Variants in PHKB observed in about 807,000 individuals in gnomAD.
The protein encoded by PHKB is phosphorylase kinase regulatory subunit beta.
A neutral mutation model predicts 152.1 loss-of-function variants in PHKB; 122 were observed. The ratio of observed to expected loss-of-function variants is 0.80; its 90% CI spans 0.69 to 0.93. The LOEUF is 0.93. Among genes scored for constraint, PHKB ranks in the 40% least tolerant of loss-of-function variants. The pLI, the probability that PHKB is intolerant of heterozygous loss-of-function variation, is 0.00. For missense variants in PHKB, 1,304 were observed against 1,328.4 expected (o/e 0.98, Z 0.29); for synonymous variants, 436 against 464.9 (o/e 0.94, Z 0.80).
At chr16:47,462,889 T>G (rs1365008484) in intron 1 of PHKB, 1 of 152,322 alleles carries the variant, frequency 6.6e-6, no homozygotes, top group East Asian at 1.9e-4. Context: ...TATGAGATAA[T>G]TTTTTCAAAA....
At chr16:47,525,682 G>T (rs151064350) in intron 6 of PHKB, among the ~76,000 whole-genome samples, 3 of 152,124 alleles carry the variant, frequency 2.0e-5, no homozygotes, top group Non-Finnish European at 4.4e-5. Context: ...ACAACGCAAT[G>T]ATGAAAAGCA....
intron 4 of PHKB, among the ~76,000 whole-genome samples, chr16:47,510,401 C>T (rs1227241058): frequency 2.0e-5 from 3 of 152,118 alleles, no homozygotes; most frequent in Non-Finnish European, 4.4e-5. Context: ...TTGAAGCTAT[C>T]TAGGGACCTA....
rs771761651 is a variant in PHKB at position 47,515,517 on chromosome 16, G to T, written c.514-4G>T. 3.8e-6 allele frequency: 5 copies of T among 1,324,324 alleles called. No individual in the cohort carries two copies. The highest frequency in any genetic ancestry group is 3.4e-5 in the Admixed American group (2 of 59,644). 82.0% of individuals were successfully genotyped at this position (1,324,324 alleles called of 1,614,324 possible). ...TAACCTTTTAATGTTTCTGTTTGTT[G>T]CAGATAAATGCAGTGTCACTTTATC... On this transcript the variant is annotated splice_polypyrimidine_tract_variant and splice_region_variant and intron_variant, in intron 5 of 30. Transcript: ENST00000323584.
intron 16 of PHKB, among the ~76,000 whole-genome samples, chr16:47,643,731 C>T (rs1318681408): frequency 2.6e-5 from 4 of 152,196 alleles, no homozygotes; most frequent in South Asian, 2.1e-4. Flanking sequence ...CTTATGCCAG[C>T]GGTTGCTCCC....
chr16:47,573,486 GA>G (rs1410390716), intron 7 of PHKB, among the ~76,000 whole-genome samples: 1 of 152,194 alleles, frequency 6.6e-6, no homozygotes, highest in Non-Finnish European at 1.5e-5. Context: ...AGGGAGGGGA[GA>G]GGGGTAACAG....
chr16:47,558,234 G>T (rs1396572284), intron 7 of PHKB, among the ~76,000 whole-genome samples: 4 of 127,270 alleles, frequency 3.1e-5, no homozygotes, highest in Non-Finnish European at 6.5e-5. Context: ...GACTGTTGTG[G>T]GGTCGGGGGA....
chr16:47,527,070 A>C (rs189163264), intron 6 of PHKB, among the ~76,000 whole-genome samples: 1 of 152,230 alleles, frequency 6.6e-6, no homozygotes, highest in African/African-American at 2.4e-5. Flanking sequence ...CTAGGAAAGC[A>C]CTAAGGGGAT....
intron 13 of PHKB, among the ~76,000 whole-genome samples, chr16:47,600,111 G>A (rs894715726): frequency 1.3e-5 from 2 of 152,084 alleles, no homozygotes; most frequent in Non-Finnish European, 2.9e-5. Flanking sequence ...AGGCCAGTTT[G>A]TATCTCAGTG....
At chr16:47,662,746 G>A (rs1197314967) in intron 23 of PHKB, among the ~76,000 whole-genome samples, 1 of 152,104 alleles carries the variant, frequency 6.6e-6, no homozygotes, top group Non-Finnish European at 1.5e-5. Context: ...AAAACTATAA[G>A]TATAAGCAGA....
At chr16:47,599,633 A>G (rs1972185571) in intron 13 of PHKB, among the ~76,000 whole-genome samples, 1 of 152,190 alleles carries the variant, frequency 6.6e-6, no homozygotes, top group Non-Finnish European at 1.5e-5. Flanking sequence ...CATGACCAAA[A>G]AGAAGAAGAA....
chr16:47,483,341 C>A (rs1054454068), intron 1 of PHKB, among the ~76,000 whole-genome samples: 3 of 152,164 alleles, frequency 2.0e-5, no homozygotes, highest in African/African-American at 7.2e-5. Flanking sequence ...AGCCACCACA[C>A]CTGGCTCTTT....
Position 47,641,022 on chromosome 16 carries a change from T to G in PHKB, c.1459-13T>G, listed in dbSNP as rs951451429. ...TTTAAAATGTTTTCCCCCTCCCTTA[T>G]TCTGCATTACAGGGCCCACTGGAAA... On this transcript the variant is annotated splice_polypyrimidine_tract_variant and intron_variant, in intron 14 of 30. Coordinates refer to ENST00000323584, the MANE Select transcript of PHKB (RefSeq NM_000293.3). The G allele has an allele frequency of 2.5e-6, 4 of 1,611,914 alleles. No homozygotes were observed. Among genetic ancestry groups the G allele is most frequent in the Non-Finnish European group, 3.4e-6 (4 of 1,178,096 alleles).
chr16:47,598,781 T>A (rs773464296), intron 13 of PHKB: 39 of 1,583,140 alleles, frequency 2.5e-5, no homozygotes, highest in Non-Finnish European at 3.4e-5. Flanking sequence ...TCTAATTGAC[T>A]GCCTTGAAGT....
intron 14 of PHKB, among the ~76,000 whole-genome samples, chr16:47,634,246 A>G (rs1337372106): frequency 2.6e-5 from 4 of 152,230 alleles, no homozygotes; most frequent in Admixed American, 2.6e-4. Flanking sequence ...TCATTGTGTA[A>G]CAGATCAAAG....
chr16:47,514,897 A>C (rs1323381366), intron 5 of PHKB, among the ~76,000 whole-genome samples: 1 of 152,198 alleles, frequency 6.6e-6, no homozygotes, highest in Admixed American at 6.5e-5. Context: ...TCCTTTGTTC[A>C]TAAAACTAAT....
chr16:47,687,466 A>T (rs1017915106), intron 26 of PHKB, among the ~76,000 whole-genome samples: 1 of 152,216 alleles, frequency 6.6e-6, no homozygotes, highest in African/African-American at 2.4e-5. Flanking sequence ...GGTGTAGTCC[A>T]GTTTTTCTTT....
At chr16:47,555,882 C>T (rs912152854) in intron 7 of PHKB, among the ~76,000 whole-genome samples, 1 of 152,118 alleles carries the variant, frequency 6.6e-6, no homozygotes, top group Non-Finnish European at 1.5e-5. Flanking sequence ...GCCATTTTCA[C>T]GATATTGATT....
chr16:47,592,200 T>C (rs1020518825), intron 10 of PHKB, among the ~76,000 whole-genome samples: 1 of 152,210 alleles, frequency 6.6e-6, no homozygotes, highest in Admixed American at 6.5e-5. Context: ...GCTGGTCCTG[T>C]TTTTTGCCCT....
chr16:47,564,419 G>C (rs1971530093), intron 7 of PHKB, among the ~76,000 whole-genome samples: 1 of 152,076 alleles, frequency 6.6e-6, no homozygotes, highest in Admixed American at 6.6e-5. Context: ...GCATTTCCCT[G>C]ATGATTACTG....
Sources: gnomAD v4.1 joint callset for allele counts (sites outside exome capture counted in the v4.1 genomes callset) on GRCh38, gnomAD v4.1.1 for gene constraint, MANE v1.5 for transcripts, NCBI Gene and HGNC (gene_info 2026-07-23, HGNC 2026-07-21) for gene names.